The following ULK4 variants were observed in gnomAD, a reference collection of about 807,000 sequenced individuals.
The protein encoded by ULK4 is inactive serine/threonine-protein kinase ULK4.
ULK4 carries 133 observed loss-of-function variants against 160.6 expected under a neutral mutation model. The ratio of observed to expected loss-of-function variants is 0.83; its 90% confidence interval spans 0.72 to 0.96. The LOEUF is 0.96. ULK4 is among the 40% of genes least tolerant of loss of function. The pLI, the probability that ULK4 is intolerant of heterozygous loss-of-function variation, is 0.00. For missense variants in ULK4, 1,580 were observed against 1,499.5 expected, an observed-to-expected ratio of 1.05 and a Z score of -0.89; for synonymous variants, 534 against 539.8, an observed-to-expected ratio of 0.99 and a Z score of 0.15.
chr3:41,584,723 G>A (rs1009381968), intron 31 of ULK4, among the ~76,000 whole-genome samples: 5 of 152,028 alleles, frequency 3.3e-5, no homozygotes, highest in Admixed American at 6.6e-5. Flanking sequence ...GACAGATGAC[G>A]CAGAAAAATT....
chr3:41,384,919 C>T (rs1474096299), intron 35 of ULK4, among the ~76,000 whole-genome samples: 1 of 152,012 alleles, frequency 6.6e-6, no homozygotes, highest in Non-Finnish European at 1.5e-5. Context: ...GCTGGGCATG[C>T]TGGTGCATGC....
At chr3:41,867,818 G>A (rs1478109693) in intron 17 of ULK4, among the ~76,000 whole-genome samples, 3 of 152,212 alleles carry the variant, frequency 2.0e-5, no homozygotes, top group Non-Finnish European at 2.9e-5. Flanking sequence ...GTGGTGATGT[G>A]TTGGGTTCCC....
chr3:41,898,185 C>G (rs917046155), intron 14 of ULK4, among the ~76,000 whole-genome samples: 1 of 152,126 alleles, frequency 6.6e-6, no homozygotes, highest in African/African-American at 2.4e-5. Flanking sequence ...AAAACTTGCC[C>G]AGATCTACAG....
chr3:41,276,246 C>T (rs1283250034), intron 35 of ULK4, among the ~76,000 whole-genome samples: 1 of 152,218 alleles, frequency 6.6e-6, no homozygotes, highest in Non-Finnish European at 1.5e-5. Context: ...CTTACCCCAA[C>T]TCCAATTTAA....
chr3:41,422,770 G>A (rs917142094), intron 34 of ULK4, among the ~76,000 whole-genome samples: 1 of 152,056 alleles, frequency 6.6e-6, no homozygotes, highest in African/African-American at 2.4e-5. Context: ...CTTTTGAGAA[G>A]TTATATGGTA....
intron 17 of ULK4, among the ~76,000 whole-genome samples, chr3:41,844,266 G>T (rs1027679968): frequency 3.3e-5 from 5 of 152,144 alleles, no homozygotes; most frequent in Admixed American, 3.3e-4. Flanking sequence ...CCCGCGGAGG[G>T]GGTGGGAGGC....
intron 31 of ULK4, among the ~76,000 whole-genome samples, chr3:41,612,709 A>T (rs1424634857): frequency 6.6e-6 from 1 of 152,200 alleles, no homozygotes; most frequent in Non-Finnish European, 1.5e-5. Context: ...TTTTATATAG[A>T]TAAGATCTCA....
At chr3:41,888,599 G>T (rs1697811093) in intron 16 of ULK4, among the ~76,000 whole-genome samples, 1 of 152,196 alleles carries the variant, frequency 6.6e-6, no homozygotes, top group Admixed American at 6.5e-5. Context: ...TAGTCAGTCA[G>T]GTCCTGCCTC....
intron 30 of ULK4, among the ~76,000 whole-genome samples, chr3:41,654,341 C>A (rs1363446633): frequency 6.6e-6 from 1 of 152,126 alleles, no homozygotes; most frequent in Non-Finnish European, 1.5e-5. Context: ...AGTTAACAAC[C>A]ATTAGCAGTT....
intron 34 of ULK4, among the ~76,000 whole-genome samples, chr3:41,431,798 T>TC (rs530930332): frequency 1.3e-5 from 2 of 149,688 alleles, no homozygotes; most frequent in Admixed American, 6.6e-5. Context: ...TCTTTTCTTT[T>TC]TTTTTTTTTG....
chr3:41,550,519 TAC>T (rs975818772), intron 32 of ULK4, among the ~76,000 whole-genome samples: 9 of 151,852 alleles, frequency 5.9e-5, no homozygotes, highest in Admixed American at 5.9e-4. Context: ...TCAAAAACAT[TAC>T]AGTCAAAACA....
At chr3:41,749,275 C>G (rs2038532078) in intron 22 of ULK4, among the ~76,000 whole-genome samples, 1 of 152,048 alleles carries the variant, frequency 6.6e-6, no homozygotes, top group African/African-American at 2.4e-5. Context: ...TTCAGGTCAG[C>G]AGTTCGAGAC....
Position 41,251,679 on chromosome 3 carries a change from T to TC in ULK4, c.3679-2106dup, listed in dbSNP as rs1419835506. 3.9e-5 allele frequency among the ~76,000 whole-genome samples: 6 copies of TC among 152,296 alleles called. No individual in the cohort carries two copies. In the East Asian group the frequency reaches 9.6e-4, roughly 24 times the overall value. On this transcript the variant is annotated intron_variant, in intron 35 of 36. Transcript: ENST00000301831. ...TCCATCCTCTTGTGTCCCAGGCCATTCTGTGATGGCAGCAGTGGTAGTGGG... is the reference window on the plus strand; with the variant it reads ...TCCATCCTCTTGTGTCCCAGGCCATTCCTGTGATGGCAGCAGTGGTAGTGGG...
intron 35 of ULK4, among the ~76,000 whole-genome samples, chr3:41,254,081 C>A (rs185924936): frequency 2.7e-4 from 41 of 152,144 alleles, no homozygotes; most frequent in Admixed American, 1.6e-3. Context: ...TGATAAGAAA[C>A]AGGATAAGTA....
At chr3:41,594,459 G>A (rs1021534623) in intron 31 of ULK4, among the ~76,000 whole-genome samples, 6 of 152,106 alleles carry the variant, frequency 3.9e-5, no homozygotes, top group Non-Finnish European at 8.8e-5. Context: ...AGGATCTCAA[G>A]CCCAGGAGTT....
intron 12 of ULK4, among the ~76,000 whole-genome samples, chr3:41,903,403 G>T (rs756735378): frequency 1.3e-5 from 2 of 152,066 alleles, no homozygotes; most frequent in South Asian, 4.2e-4. Context: ...TGGCCAAAAT[G>T]GTGAAACCCC....
chr3:41,493,550 C>G lies in ULK4; in HGVS notation c.3227-30297G>C. On this transcript the variant is annotated intron_variant, in intron 32 of 36. Coordinates refer to ENST00000301831, the MANE Select transcript of ULK4 (RefSeq NM_017886.4). ...AAGCAAGAGCAAACACATTCAAAAG[C>G]TACCAGAAGGCAAGAAATAACTAAA... Among the ~76,000 whole-genome samples the G allele has an allele frequency of 1.7e-5, 2 of 121,194 alleles. 1 individual carries two copies. Among genetic ancestry groups the G allele is most frequent in the Non-Finnish European group, 3.7e-5 (2 of 54,788 alleles). The allele number at this position is 121,194 out of a possible 152,430, so 79.5% of individuals were successfully genotyped here.
chr3:41,942,824 A>T (rs932545368), intron 2 of ULK4, among the ~76,000 whole-genome samples: 1 of 130,026 alleles, frequency 7.7e-6, no homozygotes, highest in Non-Finnish European at 1.7e-5. Flanking sequence ...CTCAAAAAAT[A>T]AATTAATTAA....
At chr3:41,512,771 A>C (rs1347287781) in intron 32 of ULK4, among the ~76,000 whole-genome samples, 1 of 152,174 alleles carries the variant, frequency 6.6e-6, no homozygotes, top group African/African-American at 2.4e-5. Flanking sequence ...ACTAGAAAAA[A>C]ACACTCCTAA....
Sources: allele counts gnomAD v4.1 joint callset (sites outside exome capture counted in the v4.1 genomes callset), GRCh38; gene constraint gnomAD v4.1.1; transcripts MANE v1.5; gene names NCBI Gene and HGNC (gene_info 2026-07-23, HGNC 2026-07-21).